Variants in PCNX1 observed in about 807,000 individuals in gnomAD.
PCNX1 encodes pecanex-like protein 1.
PCNX1 carries 78 observed loss-of-function variants against 242.2 expected under a neutral mutation model. That is an observed-to-expected ratio of 0.32 (90% CI 0.27 to 0.39). The LOEUF (loss-of-function observed/expected upper bound fraction) is 0.39. PCNX1 is among the 10% of genes least tolerant of loss of function. The probability of loss-of-function intolerance (pLI) is 1.00; values close to 1 mark genes in which losing one functional copy is unlikely to be tolerated. For synonymous variants in PCNX1, 1,024 were observed against 1,032.9 expected, an observed-to-expected ratio of 0.99 and a Z score of 0.17; for missense variants, 2,581 against 2,856.5, an observed-to-expected ratio of 0.90 and a Z score of 2.20.
chr14:70,908,129 G>A, intron 1 of PCNX1, 126 bp downstream of exon 1: 1 of 847,908 alleles, frequency 1.2e-6, no homozygotes, highest in Non-Finnish European at 1.7e-6. Flanking sequence ...TCGGTGTGAG[G>A]CTCCCCGCCC....
intron 26 of PCNX1, among the ~76,000 whole-genome samples, chr14:71,072,922 C>A (rs958877529): frequency 2.0e-5 from 3 of 152,096 alleles, no homozygotes; most frequent in Middle Eastern, 3.2e-3. Context: ...CTCTTTGGTC[C>A]TTCATTTGAT....
chr14:71,067,843 C>A (rs61990416), intron 26 of PCNX1, among the ~76,000 whole-genome samples: 2,159 of 151,930 alleles, frequency 0.014, 24 homozygotes, highest in Middle Eastern at 0.034. Flanking sequence ...TTATATATTT[C>A]TGCCTTCATT....
rs765028022 is a variant in PCNX1, at chr14:71,076,215, G to T, written c.5133G>T (p.Ser1711=). The change falls in exon 28 of 36, where the codon TCG becomes TCT. Residue 1711 remains serine (S), a synonymous_variant. Transcript: ENST00000304743. ...VKGIIYYVTT[S]SKLEEWLANE... ...GTATCATTTATTATGTTACGACCTCGTCTAAGCTAGAGGAGTGGCTAGCTA... is the reference window on the plus strand; with the variant it reads ...GTATCATTTATTATGTTACGACCTCTTCTAAGCTAGAGGAGTGGCTAGCTA... 3.1e-6 allele frequency: 5 copies of T among 1,609,454 alleles called. No homozygotes were observed. The African/African-American group carries it at 5.4e-5, about 17-fold the overall frequency.
intron 1 of PCNX1, among the ~76,000 whole-genome samples, chr14:70,927,614 G>A (rs932878984): frequency 6.6e-6 from 1 of 151,566 alleles, no homozygotes; most frequent in Non-Finnish European, 1.5e-5. Flanking sequence ...CTGGGAGGCA[G>A]TGTCTCACTC....
In PCNX1 at chr14:71,024,573, G is replaced by A. The variant is rs143293568; in HGVS notation, c.3183+1341G>A. Among the ~76,000 whole-genome samples, 169 of 152,086 alleles carry A rather than the reference G, an allele frequency of 1.1e-3. 1 individual carries two copies. Among genetic ancestry groups the A allele is most frequent in the Non-Finnish European group, 1.6e-3 (110 of 68,000 alleles). ...GATGTTTCTGATTTGATAAGGCCGT[G>A]CTTTTTAAAGTAGGAATACTGCAAA... is the stretch of plus-strand genomic sequence containing the variant. On this transcript the variant is annotated intron_variant, in intron 13 of 35. Coordinates refer to ENST00000304743, the MANE Select transcript of PCNX1 (RefSeq NM_014982.3).
At chr14:71,019,300 G>A (rs2060035551) in intron 12 of PCNX1, 138 bp downstream of exon 12, 2 of 634,456 alleles carry the variant, frequency 3.2e-6, no homozygotes, top group Non-Finnish European at 5.1e-6. Flanking sequence ...AGATTGTGTA[G>A]AGAGCAAAAG....
intron 8 of PCNX1, 101 bp from the exon 9 acceptor site, chr14:71,009,531 GGT>G (rs924366335): frequency 1.7e-6 from 1 of 582,440 alleles, no homozygotes; most frequent in African/African-American, 1.9e-5. Flanking sequence ...TAAAGGTTAT[GGT>G]GTATTTTCTT....
At chr14:70,957,930 T>C (rs890522970) in intron 2 of PCNX1, among the ~76,000 whole-genome samples, 13 of 152,184 alleles carry the variant, frequency 8.5e-5, no homozygotes, top group African/African-American at 3.1e-4. Context: ...CTCTCCATCT[T>C]CTGTTTTCTT....
chr14:71,105,170 A>G, intron 32 of PCNX1, 65 bp from the exon 33 acceptor site: 1 of 1,226,368 alleles, frequency 8.2e-7, no homozygotes, highest in Non-Finnish European at 1.2e-6. Flanking sequence ...AGCTGGAAAA[A>G]GAATAAAATA....
intron 30 of PCNX1, among the ~76,000 whole-genome samples, chr14:71,094,931 T>TA (rs1165319600): frequency 6.6e-6 from 1 of 151,856 alleles, no homozygotes; most frequent in Non-Finnish European, 1.5e-5. Flanking sequence ...ACCTTGTCTC[T>TA]AAAAAAAACC....
chr14:70,989,850 A>G (rs545685896), intron 7 of PCNX1, among the ~76,000 whole-genome samples: 1 of 152,310 alleles, frequency 6.6e-6, no homozygotes, highest in Admixed American at 6.5e-5. Context: ...GGATATACAT[A>G]CTTTACATAT....
At chr14:71,108,221 G>A (rs558480035) in intron 33 of PCNX1, among the ~76,000 whole-genome samples, 3 of 152,054 alleles carry the variant, frequency 2.0e-5, no homozygotes, top group Non-Finnish European at 4.4e-5. Context: ...TCTCATTTCC[G>A]TGAGATATTT....
At chr14:71,061,495 C>T (rs1009559809) in intron 26 of PCNX1, among the ~76,000 whole-genome samples, 4 of 152,326 alleles carry the variant, frequency 2.6e-5, no homozygotes, top group East Asian at 1.9e-4. Context: ...ACACCCACCT[C>T]TCTGATCCAA....
Position 70,920,098 on chromosome 14 carries a change from A to T in PCNX1, c.153+12095A>T, listed in dbSNP as rs2056320668. On this transcript the variant is annotated intron_variant, in intron 1 of 35. Coordinates refer to ENST00000304743, the MANE Select transcript of PCNX1 (RefSeq NM_014982.3). ...TGTTGTCTAGACATATACTCAACAG[A>T]TCTAATTATTGCAGTTGTCATCTTT... 2.0e-5 allele frequency among the ~76,000 whole-genome samples: 3 copies of T among 152,086 alleles called. No individual in the cohort carries two copies. In the South Asian group the frequency reaches 6.2e-4, roughly 31 times the overall value.
At chr14:71,092,510 C>T in intron 30 of PCNX1, 1 of 152,428 alleles carries the variant, frequency 6.6e-6, no homozygotes. Flanking sequence ...GCAGCTTCTG[C>T]CAACCAAAAG....
At chr14:70,917,455 A>G (rs1009908859) in intron 1 of PCNX1, among the ~76,000 whole-genome samples, 1 of 152,232 alleles carries the variant, frequency 6.6e-6, no homozygotes, top group Non-Finnish European at 1.5e-5. Flanking sequence ...GCATGAAAAC[A>G]ACATTAATTT....
intron 2 of PCNX1, among the ~76,000 whole-genome samples, chr14:70,948,911 G>T (rs973017659): frequency 6.9e-6 from 1 of 144,942 alleles, no homozygotes. Context: ...GTGTATATAC[G>T]TATATATGTG....
At chr14:70,942,286 G>T (rs546290283) in intron 1 of PCNX1, among the ~76,000 whole-genome samples, 17 of 152,026 alleles carry the variant, frequency 1.1e-4, no homozygotes, top group African/African-American at 4.1e-4. Flanking sequence ...ACTCTTTACA[G>T]GTCTAACATA....
intron 16 of PCNX1, among the ~76,000 whole-genome samples, chr14:71,032,796 A>G (rs2060425763): frequency 6.6e-6 from 1 of 152,176 alleles, no homozygotes; most frequent in African/African-American, 2.4e-5. Flanking sequence ...TAGACTCCAG[A>G]GATGCTACAA....
Sources: gnomAD v4.1 joint callset for allele counts (sites outside exome capture counted in the v4.1 genomes callset) on GRCh38, gnomAD v4.1.1 for gene constraint, MANE v1.5 for transcripts, NCBI Gene and HGNC (gene_info 2026-07-23, HGNC 2026-07-21) for gene names.